The following OIT3 variants were observed in gnomAD, a reference collection of about 807,000 sequenced individuals.
OIT3 encodes the protein oncoprotein induced transcript 3.
In OIT3, 41 loss-of-function variants were observed where a neutral mutation model predicts 52.2. The ratio of observed to expected loss-of-function variants is 0.79; its 90% CI spans 0.61 to 1.02. The LOEUF is 1.02. Ranked by LOEUF, OIT3 falls within the 50% of genes least tolerant of loss-of-function variation. The pLI, the probability that OIT3 is intolerant of heterozygous loss-of-function variation, is 0.00. For missense variants in OIT3, 634 were observed against 715.5 expected (o/e 0.89, Z 1.30); for synonymous variants, 244 against 276.9 (o/e 0.88, Z 1.18).
At chr10:72,921,259 T>C (rs991770304) in intron 6 of OIT3, among the ~76,000 whole-genome samples, 2 of 152,252 alleles carry the variant, frequency 1.3e-5, no homozygotes, top group Admixed American at 6.5e-5. Context: ...TTTTCCTGTT[T>C]TCCATGTGCT....
intron 6 of OIT3, among the ~76,000 whole-genome samples, chr10:72,921,085 T>C (rs1231507134): frequency 2.6e-5 from 4 of 152,216 alleles, no homozygotes; most frequent in Non-Finnish European, 4.4e-5. Flanking sequence ...AAAACTTGCT[T>C]TATGAATCTG....
In OIT3 at chr10:72,932,856, TATA is replaced by T. The variant is rs1846231736; in HGVS notation, c.*336_*338del. 1 of 222,776 alleles carries T rather than the reference TATA, an allele frequency of 4.5e-6. No individual in the cohort carries two copies. The highest frequency in any genetic ancestry group is 8.7e-6 in the Non-Finnish European group (1 of 114,830). 13.8% of individuals were successfully genotyped at this position (222,776 alleles called of 1,614,324 possible). A position where few individuals can be genotyped will look rare whatever the true frequency, so the allele number is the denominator to read the frequency against. ...TCAGACCACAAAATCAGAAGCTGGG[TATA>T]ATATTTCAAGTTACAAACCCTAGAA... On this transcript the variant is annotated 3_prime_UTR_variant, in exon 9 of 9. Transcript: ENST00000334011.
chr10:72,899,030 A>G lies in OIT3; in HGVS notation c.428A>G (p.Tyr143Cys). The change falls in exon 2 of 9, where the codon TAC (tyrosine) becomes TGC (cysteine). Residue 143 changes from tyrosine to cysteine, a missense_variant. By Grantham distance (194) the Tyr-to-Cys change is radical (BLOSUM62 -2). Coordinates refer to ENST00000334011, the MANE Select transcript of OIT3 (RefSeq NM_152635.3). ...LTKPSVCFHV[Y>C]CGHFYDICDE... ...AAGCCCAGCGTCTGCTTCCACGTCT[A>G]CTGTGGTCGTGAGTACCTTCCCTGT... The G allele has an allele frequency of 6.2e-6, 10 of 1,605,792 alleles. No individual in the cohort carries two copies. The highest frequency in any genetic ancestry group is 8.5e-6 in the Non-Finnish European group (10 of 1,174,274).
At chr10:72,915,015 G>A (rs533317768) in intron 6 of OIT3, among the ~76,000 whole-genome samples, 160 of 152,134 alleles carry the variant, frequency 1.1e-3, no homozygotes, top group Middle Eastern at 3.4e-3. Flanking sequence ...ACAGGCATCT[G>A]CCACCATGCC....
intron 6 of OIT3, among the ~76,000 whole-genome samples, chr10:72,915,920 T>C (rs948342527): frequency 2.0e-5 from 3 of 152,176 alleles, no homozygotes; most frequent in African/African-American, 4.8e-5. Flanking sequence ...TATTAGCTGC[T>C]AGGTGAATTC....
rs757657688 is a variant in OIT3 at position 72,906,610 on chromosome 10, G to A, written c.559G>A (p.Glu187Lys). The A allele has an allele frequency of 1.2e-5, 20 of 1,613,810 alleles. No homozygotes were observed. ...CTCTTCTGCAGATGAAAATGAATGTGAGCAAAACAACGGTGGCTGCAGTGA... is the reference window on the plus strand; with the variant it reads ...CTCTTCTGCAGATGAAAATGAATGTAAGCAAAACAACGGTGGCTGCAGTGA... ...RQTCFDENEC[E>K]QNNGGCSEIC... The change falls in exon 4 of 9, where the codon GAG becomes AAG. Residue 187 changes from glutamate to lysine, a missense_variant. Glu to Lys is a moderately conservative substitution (Grantham distance 56). Coordinates refer to ENST00000334011, the MANE Select transcript of OIT3 (RefSeq NM_152635.3).
At chr10:72,904,403 T>C (rs1030728890) in intron 3 of OIT3, among the ~76,000 whole-genome samples, 1 of 152,118 alleles carries the variant, frequency 6.6e-6, no homozygotes, top group Non-Finnish European at 1.5e-5. Context: ...TAGAGGCTTC[T>C]AAGTGACCTA....
intron 3 of OIT3, among the ~76,000 whole-genome samples, chr10:72,904,296 G>A (rs111394603): frequency 2.0e-4 from 31 of 152,232 alleles, no homozygotes; most frequent in African/African-American, 2.6e-4. Context: ...CGGAGCTCCC[G>A]GCCGAATAAA....
intron 4 of OIT3, among the ~76,000 whole-genome samples, chr10:72,908,716 G>A (rs576759765): frequency 1.5e-4 from 23 of 151,826 alleles, no homozygotes; most frequent in Non-Finnish European, 3.4e-4. Context: ...TACTTTATTG[G>A]AAAGATTGCA....
chr10:72,921,646 G>T (rs1471143495), intron 6 of OIT3, among the ~76,000 whole-genome samples: 1 of 151,188 alleles, frequency 6.6e-6, no homozygotes, highest in Non-Finnish European at 1.5e-5. Flanking sequence ...TGAAATTCTG[G>T]GTTGAAAATT....
At chr10:72,916,587 G>A (rs1007025970) in intron 6 of OIT3, among the ~76,000 whole-genome samples, 1 of 152,280 alleles carries the variant, frequency 6.6e-6, no homozygotes, top group Admixed American at 6.5e-5. Flanking sequence ...ATGGCATTTA[G>A]GTTGATTCCA....
rs1385045753 is a variant in OIT3 at position 72,900,325 on chromosome 10, G to C, written c.437-52G>C. ...CGCACCATCTCTAAAAAGAATGAAAGAGTGTCTTCTGGTCTCCTGCCCTCA... is the reference window on the plus strand; with the variant it reads ...CGCACCATCTCTAAAAAGAATGAAACAGTGTCTTCTGGTCTCCTGCCCTCA... On this transcript the variant is annotated intron_variant, in intron 2 of 8. Coordinates refer to ENST00000334011, the MANE Select transcript of OIT3 (RefSeq NM_152635.3). The C allele has an allele frequency of 5.0e-6, 4 of 801,974 alleles. No individual in the cohort carries two copies. The Admixed American group carries it at 9.0e-5, about 18-fold the overall frequency. The allele number at this position is 801,974 out of a possible 1,614,324, so 49.7% of individuals were successfully genotyped here.
intron 3 of OIT3, among the ~76,000 whole-genome samples, chr10:72,900,921 A>T (rs1453658228): frequency 6.6e-6 from 1 of 152,096 alleles, no homozygotes; most frequent in Non-Finnish European, 1.5e-5. Flanking sequence ...TATGAAAATT[A>T]TGTGGGTATG....
intron 2 of OIT3, 93 bp from the exon 3 acceptor site, chr10:72,900,284 A>ACCCCCCCCCCCC: frequency 3.1e-6 from 2 of 642,534 alleles, no homozygotes; most frequent in South Asian, 1.9e-5. Flanking sequence ...TAGGGATACC[A>ACCCCCCCCCCCC]CCCCCCCCGA....
intron 5 of OIT3, 51 bp from the exon 6 acceptor site, chr10:72,913,257 T>C (rs755723568): frequency 2.1e-6 from 3 of 1,454,824 alleles, no homozygotes; most frequent in Admixed American, 2.0e-5. Flanking sequence ...CTAAAAGCCT[T>C]CCTCCCGATT....
intron 6 of OIT3, chr10:72,918,012 TC>T (rs1289720534): frequency 1.2e-6 from 1 of 814,968 alleles, no homozygotes; most frequent in African/African-American, 1.7e-5. Flanking sequence ...ATCATCATCT[TC>T]ATCTTCTTCA....
At chr10:72,911,871 C>T in intron 5 of OIT3, 32 bp downstream of exon 5, 2 of 1,586,744 alleles carry the variant, frequency 1.3e-6, no homozygotes, top group South Asian at 1.2e-5. Context: ...CTTGTCTCTA[C>T]TCTGATTACA....
chr10:72,913,432 C>T lies in OIT3; in HGVS notation c.915C>T (p.Ile305=), dbSNP rs140861129. 1.6e-4 allele frequency: 254 copies of T among 1,612,872 alleles called. No individual in the cohort carries two copies. In the African/African-American group the frequency reaches 3.2e-3, roughly 20 times the overall value. The change falls in exon 6 of 9, where the codon ATC becomes ATT. Residue 305 remains isoleucine, a synonymous_variant. Coordinates refer to ENST00000334011, the MANE Select transcript of OIT3 (RefSeq NM_152635.3). ...TGTCCAACGGCACCCATGTCAACAT[C>T]CTCTTCTCTCTCAAGACATGTGGTA... is the stretch of plus-strand genomic sequence containing the variant. ...RGVSNGTHVN[I]LFSLKTCGTV... is the part of the protein sequence containing the mutation.
At chr10:72,900,290 C>A (rs539178715) in intron 2 of OIT3, 87 bp from the exon 3 acceptor site, 17 of 729,170 alleles carry the variant, frequency 2.3e-5, no homozygotes, top group Admixed American at 9.6e-5. Context: ...TACCACCCCC[C>A]CCGACCCCCC....
Sources: gnomAD v4.1 joint callset for allele counts (sites outside exome capture counted in the v4.1 genomes callset) on GRCh38, gnomAD v4.1.1 for gene constraint, MANE v1.5 for transcripts, NCBI Gene and HGNC (gene_info 2026-07-23, HGNC 2026-07-21) for gene names.